Variants in CPXM2 observed in about 807,000 individuals in gnomAD.
CPXM2 encodes the protein inactive carboxypeptidase-like protein X2.
CPXM2 carries 66 observed loss-of-function variants against 86.1 expected under a neutral mutation model. That is an observed-to-expected ratio of 0.77 (90% confidence interval 0.63 to 0.94). The LOEUF (loss-of-function observed/expected upper bound fraction) is 0.94. CPXM2 is among the 40% of genes least tolerant of loss of function. CPXM2 has a pLI of 0.00. For missense variants in CPXM2, 948 were observed against 1,026.3 expected (o/e 0.92, Z 1.04); for synonymous variants, 388 against 400.2 (o/e 0.97, Z 0.36).
At position 123,762,089 on chromosome 10, in the gene CPXM2, C is replaced by G; in HGVS notation, c.1560G>C (p.Glu520Asp). Residue 520 changes from glutamate to aspartate, a missense_variant, in exon 11 of 14, where the codon GAG (glutamate) becomes GAC (aspartate). Coordinates refer to ENST00000241305, the MANE Select transcript of CPXM2 (RefSeq NM_198148.3). Reference sequence around the variant, plus strand: ...GGTCGTAGGGGTACGCCACCACCAGCTCGCCGCCCTGCAGGTTGCCGCCCA... The same window carrying G: ...GGTCGTAGGGGTACGCCACCACCAGGTCGCCGCCCTGCAGGTTGCCGCCCA... Reference protein sequence around the residue: ...FVLGGNLQGGELVVAYPYDLV... With the variant: ...FVLGGNLQGGDLVVAYPYDLV... 1 of 1,614,154 alleles carries G rather than the reference C, an allele frequency of 6.2e-7. No homozygotes were observed. Among genetic ancestry groups the G allele is most frequent in the Non-Finnish European group, 8.5e-7 (1 of 1,180,028 alleles).
intron 2 of CPXM2, among the ~76,000 whole-genome samples, chr10:123,939,028 G>A (rs1356012032): frequency 6.6e-6 from 1 of 152,152 alleles, no homozygotes; most frequent in East Asian, 1.9e-4. Flanking sequence ...TCCCTCCTCT[G>A]GAGGAGCAGA....
At chr10:123,882,930 G>T (rs1434449717) in intron 1 of CPXM2, among the ~76,000 whole-genome samples, 1 of 145,272 alleles carries the variant, frequency 6.9e-6, no homozygotes, top group Admixed American at 6.9e-5. Flanking sequence ...CTAATACCAT[G>T]GTTTAGGCAC....
intron 2 of CPXM2, among the ~76,000 whole-genome samples, chr10:123,936,069 A>AGCAT: frequency 6.6e-6 from 1 of 151,990 alleles, no homozygotes. Context: ...CATCATCACC[A>AGCAT]CTATCTTTAC....
chr10:123,787,297 C>T (rs1395478755), intron 6 of CPXM2, among the ~76,000 whole-genome samples: 1 of 152,186 alleles, frequency 6.6e-6, no homozygotes, highest in Non-Finnish European at 1.5e-5. Flanking sequence ...CAGAACCCAT[C>T]TCACCCTCAC....
intron 2 of CPXM2, 60 bp downstream of exon 2, chr10:123,880,151 C>A (rs568255585): frequency 1.9e-5 from 5 of 257,382 alleles, no homozygotes; most frequent in Middle Eastern, 1.8e-3. Flanking sequence ...CCTGTACCCA[C>A]CCACCCTCCC....
At chr10:123,773,649 C>A (rs552124055) in intron 7 of CPXM2, among the ~76,000 whole-genome samples, 1 of 152,326 alleles carries the variant, frequency 6.6e-6, no homozygotes, top group South Asian at 2.1e-4. Flanking sequence ...TTGCAGCACA[C>A]AGCCAATAAG....
intron 13 of CPXM2, chr10:123,750,495 G>A (rs1275918598): frequency 2.0e-6 from 2 of 985,220 alleles, no homozygotes; most frequent in Admixed American, 1.2e-4. Context: ...CCCTTAGGGA[G>A]GGACCCTTCC....
chr10:123,921,807 G>C (rs1945581335), intron 2 of CPXM2, among the ~76,000 whole-genome samples: 1 of 152,192 alleles, frequency 6.6e-6, no homozygotes, highest in African/African-American at 2.4e-5. Flanking sequence ...TAGAGTTTTA[G>C]AATAAAGGTT....
upstream of CPXM2, among the ~76,000 whole-genome samples, chr10:123,940,508 A>T (rs1160047011): frequency 6.7e-6 from 1 of 148,740 alleles, no homozygotes; most frequent in Non-Finnish European, 1.5e-5. Context: ...ACTACCCAAC[A>T]ACTTTGCCCA....
chr10:123,856,764 G>T (rs1036064551), intron 3 of CPXM2, among the ~76,000 whole-genome samples: 2 of 152,074 alleles, frequency 1.3e-5, no homozygotes, highest in Admixed American at 6.5e-5. Context: ...GCTAATTTTT[G>T]TATGTTTAGT....
At chr10:123,807,782 C>T (rs1014698978) in intron 4 of CPXM2, among the ~76,000 whole-genome samples, 1 of 152,210 alleles carries the variant, frequency 6.6e-6, no homozygotes, top group African/African-American at 2.4e-5. Context: ...GCTCAGAAGA[C>T]TGAAGCTATA....
At chr10:123,932,585 G>A (rs1945675048) in intron 2 of CPXM2, among the ~76,000 whole-genome samples, 2 of 152,188 alleles carry the variant, frequency 1.3e-5, no homozygotes, top group Non-Finnish European at 2.9e-5. Context: ...GGCTCTCCCT[G>A]TCCCACTCTG....
intron 5 of CPXM2, among the ~76,000 whole-genome samples, chr10:123,798,554 G>A (rs1847383894): frequency 1.3e-5 from 2 of 152,188 alleles, no homozygotes; most frequent in African/African-American, 2.4e-5. Flanking sequence ...TGGATTCATA[G>A]GCAGAAGAGC....
intron 7 of CPXM2, 34 bp downstream of exon 7, chr10:123,780,133 T>C (rs759778768): frequency 2.9e-6 from 4 of 1,399,148 alleles, no homozygotes; most frequent in Non-Finnish European, 2.0e-6. Context: ...TTTTGACAAA[T>C]TCCTGGCATG....
chr10:123,888,650 C>G (rs943339490), intron 1 of CPXM2, among the ~76,000 whole-genome samples: 1 of 152,224 alleles, frequency 6.6e-6, no homozygotes, highest in Non-Finnish European at 1.5e-5. Context: ...ACTAAGTTCA[C>G]GCTTAAACCA....
intron 4 of CPXM2, among the ~76,000 whole-genome samples, chr10:123,813,286 C>T (rs1227764027): frequency 6.6e-6 from 1 of 152,218 alleles, no homozygotes; most frequent in Non-Finnish European, 1.5e-5. Flanking sequence ...CATGATCTTA[C>T]TTTGTCTAAG....
intron 3 of CPXM2, among the ~76,000 whole-genome samples, chr10:123,852,280 T>C (rs1005721992): frequency 1.3e-5 from 2 of 152,198 alleles, no homozygotes; most frequent in Non-Finnish European, 2.9e-5. Flanking sequence ...ATTAGATTAC[T>C]AGATTATCAG....
chr10:123,761,791 G>A, intron 11 of CPXM2, 81 bp downstream of exon 11: 11 of 1,398,920 alleles, frequency 7.9e-6, no homozygotes, highest in Non-Finnish European at 1.1e-5. Context: ...CAGGACAGTA[G>A]TGACACCAGG....
At chr10:123,872,202 C>CAT (rs1944906377) in intron 2 of CPXM2, among the ~76,000 whole-genome samples, 1 of 152,130 alleles carries the variant, frequency 6.6e-6, no homozygotes, top group African/African-American at 2.4e-5. Context: ...AAAAAAAATT[C>CAT]ATATATACAC....
Sources: gnomAD v4.1 joint callset for allele counts (sites outside exome capture counted in the v4.1 genomes callset) on GRCh38, gnomAD v4.1.1 for gene constraint, MANE v1.5 for transcripts, NCBI Gene and HGNC (gene_info 2026-07-23, HGNC 2026-07-21) for gene names.